Variants in MTX1 observed in about 807,000 individuals in gnomAD.
The protein encoded by MTX1 is metaxin 1, also known as metaxin-1.
A neutral mutation model predicts 39.4 loss-of-function variants in MTX1; 20 were observed. The observed-to-expected ratio is 0.51, with a 90% CI of 0.36 to 0.74. The LOEUF (loss-of-function observed/expected upper bound fraction) is 0.74. MTX1 is among the 30% of genes least tolerant of loss of function. The pLI, the probability that MTX1 is intolerant of heterozygous loss-of-function variation, is 0.00. For synonymous variants in MTX1, 209 were observed against 198.6 expected, an observed-to-expected ratio of 1.05 and a Z score of -0.44; for missense variants, 481 against 485.9, an observed-to-expected ratio of 0.99 and a Z score of 0.10.
Position 155,210,357 on chromosome 1 carries a change from A to G in MTX1, c.540A>G (p.Arg180=). 6.2e-7 allele frequency: 1 copy of G among 1,614,190 alleles called. No homozygotes were observed. Among genetic ancestry groups the G allele is most frequent in the African/African-American group, 1.3e-5 (1 of 75,046 alleles). ...LDSLAVLTYA[R]FTGAPLKVHK... is the part of the protein sequence containing the mutation. ...TTCCTTCCCTGCAGACCTATGCCAG[A>G]TTTACTGGTGCTCCACTGAAGGTAC... Residue 180 remains arginine (R), a synonymous_variant, in exon 2 of 8, where the codon AGA becomes AGG. Coordinates refer to ENST00000368376, the MANE Select transcript of MTX1 (RefSeq NM_002455.5).
Position 155,209,256 on chromosome 1 carries a change from C to T in MTX1, c.452C>T (p.Ala151Val), listed in dbSNP as rs1670973836. 4.1e-6 allele frequency: 6 copies of T among 1,446,448 alleles called. No individual in the cohort carries two copies. Among genetic ancestry groups the T allele is most frequent in the Admixed American group, 2.8e-5 (1 of 35,586 alleles). 89.6% of individuals were successfully genotyped at this position (1,446,448 alleles called of 1,614,324 possible). ...CCGGGACAGAGGGTGGGCAAGATGG[C>T]GGCGCCCATGGAGCTGTTCTGCTGG... ...VFPGQRVGKM[A>V]APMELFCWSG... Residue 151 changes from alanine to valine, a missense_variant, in exon 1 of 8, where the codon GCG (alanine) becomes GTG (valine). Ala to Val is a moderately conservative substitution (Grantham distance 64). Coordinates refer to ENST00000368376, the MANE Select transcript of MTX1 (RefSeq NM_002455.5).
chr1:155,209,144 C>A lies in MTX1; in HGVS notation c.340C>A (p.Pro114Thr). Residue 114 changes from proline (P) to threonine (T), a missense_variant, in exon 1 of 8, where the codon CCA becomes ACA. Coordinates refer to ENST00000368376, the MANE Select transcript of MTX1 (RefSeq NM_002455.5). Reference sequence around the variant, plus strand: ...AAGCCTCGCCTCCCCGGGGATCTCCCCAGGCCCCCTGACCGCAACGATCGG... The same window carrying A: ...AAGCCTCGCCTCCCCGGGGATCTCCACAGGCCCCCTGACCGCAACGATCGG... ...RRSLASPGIS[P>T]GPLTATIGGA... The A allele has an allele frequency of 6.5e-7, 1 of 1,529,526 alleles. No individual in the cohort carries two copies. The highest frequency in any genetic ancestry group is 8.8e-7 in the Non-Finnish European group (1 of 1,134,884). The allele number at this position is 1,529,526 out of a possible 1,614,324, so 94.7% of individuals were successfully genotyped here.
chr1:155,212,393 T>A lies in MTX1; in HGVS notation c.780T>A (p.Thr260=). ...CTGCCCACCCAATCCAGGTACATAC[T>A]TTTTGGATAGACACCAAGAACTACG... ...EEKLLPVLVH[T]FWIDTKNYVE... The change falls in exon 5 of 8, where the codon ACT becomes ACA. Residue 260 remains threonine, a synonymous_variant. Coordinates refer to ENST00000368376, the MANE Select transcript of MTX1 (RefSeq NM_002455.5). 1 of 1,614,190 alleles carries A rather than the reference T, an allele frequency of 6.2e-7. No homozygotes were observed.
At chr1:155,209,354 C>G in intron 1 of MTX1, 22 bp downstream of exon 1, 1 of 1,411,628 alleles carries the variant, frequency 7.1e-7, no homozygotes. Context: ...CGCCGGCGCC[C>G]TCTGCTGTGC....
intron 2 of MTX1, 53 bp from the exon 3 acceptor site, chr1:155,210,495 T>C (rs1169419404): frequency 1.9e-6 from 3 of 1,606,932 alleles, no homozygotes; most frequent in African/African-American, 1.3e-5. Context: ...GTTGCAACTA[T>C]GTATGACTAG....
At chr1:155,212,353 C>A in intron 4 of MTX1, 32 bp from the exon 5 acceptor site, 1 of 1,613,042 alleles carries the variant, frequency 6.2e-7, no homozygotes, top group Non-Finnish European at 8.5e-7. Flanking sequence ...CTGGCTCAGA[C>A]CTACCTGTTT....
chr1:155,210,721 A>C, intron 3 of MTX1, 94 bp downstream of exon 3: 1 of 1,166,502 alleles, frequency 8.6e-7, no homozygotes, highest in South Asian at 1.3e-5. Flanking sequence ...ATGCCATGCT[A>C]GATGCAGGTG....
In MTX1 at chr1:155,209,168, G is replaced by A; in HGVS notation, c.364G>A (p.Gly122Arg). The A allele has an allele frequency of 6.7e-7, 1 of 1,495,000 alleles. No individual in the cohort carries two copies. The highest frequency in any genetic ancestry group is 1.3e-5 in the South Asian group (1 of 77,816). 92.6% of individuals were successfully genotyped at this position (1,495,000 alleles called of 1,614,324 possible). A position where few individuals can be genotyped will look rare whatever the true frequency, so the allele number is the denominator to read the frequency against. The change falls in exon 1 of 8, where the codon GGA becomes AGA. Residue 122 changes from glycine (G) to arginine (R), a missense_variant. Physicochemically the swap from Gly to Arg is moderately radical, Grantham distance 125. This residue lies in a region of MTX1 where 368 missense variants were observed against 332.8 expected (regional missense o/e 1.11). Transcript: ENST00000368376. Reference protein sequence around the residue: ...ISPGPLTATIGGAVAGGGPRQ... With the variant: ...ISPGPLTATIRGAVAGGGPRQ... ...CCCAGGCCCCCTGACCGCAACGATCGGAGGGGCGGTGGCGGGGGGCGGGCC... is the reference window on the plus strand; with the variant it reads ...CCCAGGCCCCCTGACCGCAACGATCAGAGGGGCGGTGGCGGGGGGCGGGCC...
chr1:155,212,053 A>G (rs1671146364), intron 3 of MTX1, 74 bp from the exon 4 acceptor site: 8 of 1,339,800 alleles, frequency 6.0e-6, no homozygotes, highest in Non-Finnish European at 8.3e-6. Flanking sequence ...GGGGTACCAG[A>G]CAGGACTCCT....
Position 155,208,849 on chromosome 1 carries a change from C to A in MTX1, c.45C>A (p.Ser15Arg). The change falls in exon 1 of 8, where the codon AGC (serine) becomes AGA (arginine). Residue 15 changes from serine (S) to arginine (R), a missense_variant. By Grantham distance (110) the Ser-to-Arg change is moderately radical. Around this residue, in one of 2 missense-constraint regions of MTX1, gnomAD observed 368 missense variants for 332.8 expected, o/e 1.11. Coordinates refer to ENST00000368376, the MANE Select transcript of MTX1 (RefSeq NM_002455.5). ...GPPRSPRSGT[S>R]PKGPWSSTGH... ...CCCGCAGTCCCCGCTCGGGGACGAG[C>A]CCCAAGGGGCCCTGGAGCAGTACAG... The A allele has an allele frequency of 6.3e-7, 1 of 1,597,120 alleles. No individual in the cohort carries two copies. Among genetic ancestry groups the A allele is most frequent in the East Asian group, 2.3e-5 (1 of 44,190 alleles).
chr1:155,213,203 T>C, intron 6 of MTX1, 34 bp from the exon 7 acceptor site: 1 of 441,624 alleles, frequency 2.3e-6, no homozygotes, highest in Non-Finnish European at 4.1e-6. Flanking sequence ...CCCCAGTGGT[T>C]CTCCTCCATC....
Position 155,208,698 on chromosome 1 carries a change from C to G in MTX1, c.-107C>G. The G allele has an allele frequency of 1.6e-6, 2 of 1,218,748 alleles. No individual in the cohort carries two copies. Among genetic ancestry groups the G allele is most frequent in the Non-Finnish European group, 2.2e-6 (2 of 909,900 alleles). 75.5% of individuals were successfully genotyped at this position (1,218,748 alleles called of 1,614,324 possible). On this transcript the variant is annotated 5_prime_UTR_variant, in exon 1 of 8. Coordinates refer to ENST00000368376, the MANE Select transcript of MTX1 (RefSeq NM_002455.5). ...CGAGCCTCTCTTCCCCTCCCCCACC[C>G]AAGCCCCAGCCCGGCCTCCGCTCCG...
chr1:155,210,617 T>A lies in MTX1; in HGVS notation c.668T>A (p.Leu223His). The A allele has an allele frequency of 6.2e-7, 1 of 1,613,916 alleles. No individual in the cohort carries two copies. Among genetic ancestry groups the A allele is most frequent in the South Asian group, 1.1e-5 (1 of 91,080 alleles). The stretch of plus-strand genomic sequence containing the variant: ...GTTCCACACAAGATCATCACCCACC[T>A]TCGAAAAGAGGTAGGTGACTTGGAT... Reference protein sequence around the residue: ...ISVPHKIITHLRKEKYNADYD... With the variant: ...ISVPHKIITHHRKEKYNADYD... The change falls in exon 3 of 8, where the codon CTT becomes CAT. Residue 223 changes from leucine to histidine, a missense_variant. By Grantham distance (99) the Leu-to-His change is moderately conservative (BLOSUM62 -3). This residue lies in a region of MTX1 where 368 missense variants were observed against 332.8 expected (regional missense o/e 1.11). Transcript: ENST00000368376.
intron 3 of MTX1, 34 bp downstream of exon 3, chr1:155,210,661 G>C: frequency 1.9e-6 from 3 of 1,573,244 alleles, no homozygotes; most frequent in South Asian, 1.1e-5. Context: ...CTGCCAGTGA[G>C]AGAAGTTCAG....
intron 2 of MTX1, 38 bp downstream of exon 2, chr1:155,210,453 C>A: frequency 6.2e-7 from 1 of 1,610,288 alleles, no homozygotes; most frequent in Non-Finnish European, 8.5e-7. Flanking sequence ...AGGGTGTGTA[C>A]AAGGGGAGAA....
At position 155,208,727 on chromosome 1, in the gene MTX1, G is replaced by C; in HGVS notation, c.-78G>C. ...CCCCAGCCCGGCCTCCGCTCCGGCC[G>C]CCGCCACCGCCCCTGTTTTGTTTCC... On this transcript the variant is annotated 5_prime_UTR_variant, in exon 1 of 8. Coordinates refer to ENST00000368376, the MANE Select transcript of MTX1 (RefSeq NM_002455.5). 3.0e-5 allele frequency: 20 copies of C among 664,836 alleles called. No individual in the cohort carries two copies. The highest frequency in any genetic ancestry group is 3.6e-5 in the Non-Finnish European group (17 of 476,782). 41.2% of individuals were successfully genotyped at this position (664,836 alleles called of 1,614,324 possible).
At chr1:155,211,493 C>G (rs1183131342) in intron 3 of MTX1, 1 of 152,770 alleles carries the variant, frequency 6.5e-6, no homozygotes, top group East Asian at 1.9e-4. Context: ...GGGGACAAAG[C>G]TTACTCAGGA....
rs755600746 is a variant in MTX1, at chr1:155,213,234, C to T, written c.1032-3C>T. 1.9e-6 allele frequency: 1 copy of T among 536,212 alleles called. No individual in the cohort carries two copies. Among genetic ancestry groups the T allele is most frequent in the Non-Finnish European group, 3.3e-6 (1 of 305,516 alleles). 33.2% of individuals were successfully genotyped at this position (536,212 alleles called of 1,614,324 possible). On this transcript the variant is annotated splice_region_variant and splice_polypyrimidine_tract_variant and intron_variant, in intron 6 of 7. Coordinates refer to ENST00000368376, the MANE Select transcript of MTX1 (RefSeq NM_002455.5). ...CCATCCCACCCTTCTCTCTCTGCTC[C>T]AGCCCTGCCTCCTTGGACGCCTTCG... is the stretch of plus-strand genomic sequence containing the variant.
At position 155,209,311 on chromosome 1, in the gene MTX1, C is replaced by A; in HGVS notation, c.507C>A (p.Asp169Glu). 1 of 1,431,352 alleles carries A rather than the reference C, an allele frequency of 7.0e-7. No homozygotes were observed. The highest frequency in any genetic ancestry group is 9.1e-7 in the Non-Finnish European group (1 of 1,093,682). The allele number at this position is 1,431,352 out of a possible 1,614,324, so 88.7% of individuals were successfully genotyped here. Residue 169 changes from aspartate to glutamate, a missense_variant, in exon 1 of 8, where the codon GAC becomes GAA. Physicochemically the swap from Asp to Glu is conservative, Grantham distance 45. Around this residue, in one of 2 missense-constraint regions of MTX1, gnomAD observed 368 missense variants for 332.8 expected, o/e 1.11. Transcript: ENST00000368376. ...WSGGWGLPSV[D>E]LDSLAVLTYA... ...GGGGCTGGGGGCTGCCGTCAGTGGA[C>A]CTGGACAGCCTGGCCGTGCTGGTGA...
Sources: allele counts gnomAD v4.1 joint callset, GRCh38; gene constraint gnomAD v4.1.1; regional missense constraint gnomAD v4.1.1; transcripts MANE v1.5; gene names NCBI Gene and HGNC (gene_info 2026-07-23, HGNC 2026-07-21).